STARD3: variants seen among roughly 807,000 people sequenced by gnomAD.
STARD3 encodes stAR-related lipid transfer protein 3.
A neutral mutation model predicts 62.0 loss-of-function variants in STARD3; 39 were observed. The ratio of observed to expected loss-of-function variants is 0.63; its 90% CI spans 0.49 to 0.82. STARD3 has a LOEUF of 0.82. Ranked by LOEUF, STARD3 falls within the 40% of genes least tolerant of loss-of-function variation. The probability of loss-of-function intolerance (pLI) is 0.00; values close to 1 mark genes in which losing one functional copy is unlikely to be tolerated. For missense variants in STARD3, 543 were observed against 584.5 expected (o/e 0.93, Z 0.73); for synonymous variants, 229 against 242.4 (o/e 0.94, Z 0.51).
intron 1 of STARD3, among the ~76,000 whole-genome samples, chr17:39,646,763 A>G (rs1004515828): frequency 6.6e-6 from 1 of 152,164 alleles, no homozygotes; most frequent in Non-Finnish European, 1.5e-5. Context: ...GTACTATTGT[A>G]TCCTAGGGTG....
intron 8 of STARD3, 67 bp from the exon 9 acceptor site, chr17:39,659,394 A>ACAGGC: frequency 6.8e-7 from 1 of 1,476,264 alleles, no homozygotes; most frequent in Non-Finnish European, 9.4e-7. Flanking sequence ...TAGAGAGAGA[A>ACAGGC]CAGGCCACGA....
In STARD3 at chr17:39,657,077, G is replaced by C. The variant is rs1473199967; in HGVS notation, c.289G>C (p.Asp97His). Reference protein sequence around the residue: ...IQYNFKTSFFDIFVLAFFRFS... With the variant: ...IQYNFKTSFFHIFVLAFFRFS... ...GTACAACTTTAAAACTTCCTTCTTC[G>C]ACATCTTTGTGAGTGGCCTTGGCTG... The change falls in exon 3 of 15, where the codon GAC becomes CAC. Residue 97 changes from aspartate to histidine, a missense_variant. Coordinates refer to ENST00000336308, the MANE Select transcript of STARD3 (RefSeq NM_006804.4). 6.2e-7 allele frequency: 1 copy of C among 1,614,010 alleles called. No individual in the cohort carries two copies. Among genetic ancestry groups the C allele is most frequent in the Non-Finnish European group, 8.5e-7 (1 of 1,180,000 alleles).
rs371284090 is a variant in STARD3 at position 39,655,126 on chromosome 17, C to G, written c.219+1376C>G. 2.7e-4 allele frequency among the ~76,000 whole-genome samples: 41 copies of G among 152,364 alleles called. No homozygotes were observed. The East Asian group carries it at 6.0e-3, about 22-fold the overall frequency. ...GCAAACACTAAAACTTACCTGCATC[C>G]TTCATTGAATACTTGTTTCCTTACC... On this transcript the variant is annotated intron_variant, in intron 2 of 14. Transcript: ENST00000336308.
rs1212870502 is a variant in STARD3 at position 39,657,976 on chromosome 17, A to C, written c.379A>C (p.Thr127Pro). The C allele has an allele frequency of 6.3e-7, 1 of 1,586,294 alleles. No homozygotes were observed. The highest frequency in any genetic ancestry group is 1.3e-5 in the African/African-American group (1 of 74,746). ...CCTCCCTCCCTCCCCTGGGCAGGTC[A>C]CGACGCTGGTGTCCAGTGCATTCCT... ...RLRHWWVIAV[T>P]TLVSSAFLIV... Residue 127 changes from threonine (T) to proline (P), a missense_variant, in exon 5 of 15, where the codon ACG becomes CCG. Thr to Pro is a conservative substitution (Grantham distance 38). Coordinates refer to ENST00000336308, the MANE Select transcript of STARD3 (RefSeq NM_006804.4).
intron 13 of STARD3, among the ~76,000 whole-genome samples, chr17:39,661,762 T>C (rs2057201390): frequency 6.6e-6 from 1 of 152,216 alleles, no homozygotes; most frequent in Non-Finnish European, 1.5e-5. Context: ...CCTCTCTGGA[T>C]GCCAACTTCC....
chr17:39,647,388 C>T, intron 1 of STARD3, among the ~76,000 whole-genome samples: 1 of 152,120 alleles, frequency 6.6e-6, no homozygotes, highest in East Asian at 1.9e-4. Flanking sequence ...CCAGTCACAG[C>T]AACCAGTGGG....
At chr17:39,640,244 A>G (rs1375779650) in intron 1 of STARD3, among the ~76,000 whole-genome samples, 1 of 152,198 alleles carries the variant, frequency 6.6e-6, no homozygotes, top group Non-Finnish European at 1.5e-5. Context: ...TGTTGGCTCC[A>G]CTTTACAGAT....
rs199983873 is a variant in STARD3, at chr17:39,659,464, C to G, written c.706C>G (p.Arg236Gly). The change falls in exon 9 of 15, where the codon CGG becomes GGG. Residue 236 changes from arginine to glycine, a missense_variant. Transcript: ENST00000336308. Reference protein sequence around the residue: ...AGKKSFSAQEREYIRQGKEAT... With the variant: ...AGKKSFSAQEGEYIRQGKEAT... ...CCTGCCTCCTGCTTCCGTCCAGGAG[C>G]GGGAGTACATCCGCCAGGGGAAGGA... is the stretch of plus-strand genomic sequence containing the variant. The G allele has an allele frequency of 6.2e-7, 1 of 1,614,026 alleles. No individual in the cohort carries two copies. The highest frequency in any genetic ancestry group is 8.5e-7 in the Non-Finnish European group (1 of 1,179,988).
At chr17:39,646,151 A>G (rs1018090796) in intron 1 of STARD3, among the ~76,000 whole-genome samples, 1 of 151,970 alleles carries the variant, frequency 6.6e-6, no homozygotes, top group African/African-American at 2.4e-5. Flanking sequence ...TCAGCCTCCC[A>G]AAGTGCTGAG....
At chr17:39,643,744 CCAGT>C (rs1417337395) in intron 1 of STARD3, among the ~76,000 whole-genome samples, 3 of 152,186 alleles carry the variant, frequency 2.0e-5, no homozygotes, top group Non-Finnish European at 4.4e-5. Context: ...AGCCATCTCG[CCAGT>C]CAGTCAGAGC....
At chr17:39,662,457 G>A (rs770056567) in intron 14 of STARD3, 113 bp downstream of exon 14, 1 of 1,039,276 alleles carries the variant, frequency 9.6e-7, no homozygotes, top group Non-Finnish European at 1.4e-6. Flanking sequence ...CCTCCCCTTT[G>A]TCAGCCACCT....
chr17:39,658,928 C>T, intron 7 of STARD3, 108 bp downstream of exon 7: 3 of 1,554,884 alleles, frequency 1.9e-6, no homozygotes, highest in East Asian at 4.5e-5. Flanking sequence ...CTGGGGAAAG[C>T]CAGCAACCCT....
intron 9 of STARD3, 175 bp downstream of exon 9, chr17:39,659,728 C>T: frequency 1.5e-6 from 1 of 652,282 alleles, no homozygotes; most frequent in African/African-American, 1.8e-5. Context: ...GACGTTTCCC[C>T]CGTGCCCCTT....
At chr17:39,638,217 T>A (rs2056951423) in intron 1 of STARD3, among the ~76,000 whole-genome samples, 1 of 152,248 alleles carries the variant, frequency 6.6e-6, no homozygotes. Context: ...ACGCTGTTGA[T>A]GTATTGTCAA....
intron 1 of STARD3, among the ~76,000 whole-genome samples, chr17:39,646,666 A>C (rs377552807): frequency 9.2e-5 from 14 of 152,242 alleles, no homozygotes; most frequent in South Asian, 2.1e-4. Flanking sequence ...ATGACCTTAG[A>C]GTCCATTCCT....
chr17:39,660,202 C>G lies in STARD3; in HGVS notation c.796-9C>G, dbSNP rs538889239. ...CTCTCCTCCCTGCCACCTTCTGTCC[C>G]TGCCATAGGAATATGGGGACACCGT... On this transcript the variant is annotated splice_polypyrimidine_tract_variant and intron_variant, in intron 9 of 14. Transcript: ENST00000336308. The surrounding 1 kb of genome is among the most constrained non-coding windows in gnomAD (Gnocchi z 4.8). 10 of 1,613,990 alleles carry G rather than the reference C, an allele frequency of 6.2e-6. No homozygotes were observed. Among genetic ancestry groups the G allele is most frequent in the African/African-American group, 1.3e-5 (1 of 75,052 alleles).
chr17:39,649,347 A>G (rs1217004040), intron 1 of STARD3, among the ~76,000 whole-genome samples: 1 of 152,216 alleles, frequency 6.6e-6, no homozygotes, highest in Non-Finnish European at 1.5e-5. Context: ...GCTCAAGGTT[A>G]TTCACTGCAG....
At chr17:39,643,814 A>C (rs1459609463) in intron 1 of STARD3, among the ~76,000 whole-genome samples, 1 of 152,224 alleles carries the variant, frequency 6.6e-6, no homozygotes, top group African/African-American at 2.4e-5. Context: ...GCTAACCCTC[A>C]TGCAGCCACC....
chr17:39,663,746 T>C lies in STARD3; in HGVS notation c.*838T>C, dbSNP rs1299436525. ...AGGCTTCAGCGGGGCAAGTTTAAAGTCTCTAGTCCAGGAATGGAGGTGGGG... is the reference window on the plus strand; with the variant it reads ...AGGCTTCAGCGGGGCAAGTTTAAAGCCTCTAGTCCAGGAATGGAGGTGGGG... On this transcript the variant is annotated 3_prime_UTR_variant, in exon 15 of 15. Coordinates refer to ENST00000336308, the MANE Select transcript of STARD3 (RefSeq NM_006804.4). Among the ~76,000 whole-genome samples, 2 of 150,868 alleles carry C rather than the reference T, an allele frequency of 1.3e-5. No individual in the cohort carries two copies. Among genetic ancestry groups the C allele is most frequent in the Non-Finnish European group, 3.0e-5 (2 of 67,712 alleles).
Sources: allele counts gnomAD v4.1 joint callset (sites outside exome capture counted in the v4.1 genomes callset), GRCh38; gene constraint gnomAD v4.1.1; non-coding constraint Gnocchi (gnomAD v3.1); transcripts MANE v1.5; gene names NCBI Gene and HGNC (gene_info 2026-07-23, HGNC 2026-07-21).